The following ESCO1 variants were observed in gnomAD, a reference collection of about 807,000 sequenced individuals.
ESCO1 encodes N-acetyltransferase ESCO1.
ESCO1 carries 33 observed loss-of-function variants against 83.5 expected under a neutral mutation model. That is an observed-to-expected ratio of 0.40 (90% confidence interval 0.30 to 0.53). ESCO1 has a LOEUF of 0.53. ESCO1 is among the 20% of genes least tolerant of loss of function. The pLI, the probability that ESCO1 is intolerant of heterozygous loss-of-function variation, is 0.63. For synonymous variants in ESCO1, 332 were observed against 324.3 expected, an observed-to-expected ratio of 1.02 and a Z score of -0.25; for missense variants, 855 against 968.0, an observed-to-expected ratio of 0.88 and a Z score of 1.55.
At chr18:21,596,963 T>C (rs546104557) in intron 1 of ESCO1, 30 of 152,364 alleles carry the variant, frequency 2.0e-4, no homozygotes, top group African/African-American at 7.2e-4. Flanking sequence ...CTTAAAGCAG[T>C]AGTGCTCAAA....
At chr18:21,582,816 G>C (rs1316386751) in intron 2 of ESCO1, among the ~76,000 whole-genome samples, 2 of 152,210 alleles carry the variant, frequency 1.3e-5, no homozygotes, top group East Asian at 3.8e-4. Context: ...GTTTGTGTCA[G>C]GTACCTTACA....
intron 4 of ESCO1, among the ~76,000 whole-genome samples, chr18:21,570,025 T>C (rs977126508): frequency 6.6e-6 from 1 of 152,194 alleles, no homozygotes; most frequent in Non-Finnish European, 1.5e-5. Context: ...CCACCACATT[T>C]CCTGATCACT....
At chr18:21,568,950 T>G (rs2038300616) in intron 4 of ESCO1, among the ~76,000 whole-genome samples, 1 of 151,970 alleles carries the variant, frequency 6.6e-6, no homozygotes, top group African/African-American at 2.4e-5. Flanking sequence ...AAAATTAATT[T>G]TATCTATTTC....
rs531749215 is a variant in ESCO1 at position 21,547,283 on chromosome 18, A to G, written c.1954-7274T>C. 7.2e-5 allele frequency among the ~76,000 whole-genome samples: 11 copies of G among 152,260 alleles called. No homozygotes were observed. In the East Asian group the frequency reaches 2.1e-3, roughly 29 times the overall value. ...TAAAAACAAGGTCGACAGTTAATAA[A>G]TGTTTAAGAAATAAATAAGCCTACG... On this transcript the variant is annotated intron_variant, in intron 8 of 11. Transcript: ENST00000269214.
intron 10 of ESCO1, among the ~76,000 whole-genome samples, 168 bp downstream of exon 10, chr18:21,535,874 T>C (rs1368091815): frequency 2.0e-5 from 3 of 152,242 alleles, no homozygotes; most frequent in African/African-American, 4.8e-5. Flanking sequence ...CTAATTCCCA[T>C]GCATAACCAT....
In ESCO1 at chr18:21,560,993, A is replaced by G; in HGVS notation, c.1822-3T>C. On this transcript the variant is annotated splice_region_variant and splice_polypyrimidine_tract_variant and intron_variant, in intron 7 of 11. Transcript: ENST00000269214. The stretch of plus-strand genomic sequence containing the variant: ...CCAAATCTTTTTTGTCCTGCATCCT[A>G]TTTACAAAAAACACACAAAAGTTTT... 1.9e-6 allele frequency: 3 copies of G among 1,578,712 alleles called. No individual in the cohort carries two copies. Among genetic ancestry groups the G allele is most frequent in the Middle Eastern group, 1.9e-4 (1 of 5,164 alleles).
chr18:21,586,356 T>A (rs1344888287), intron 1 of ESCO1, among the ~76,000 whole-genome samples: 1 of 152,204 alleles, frequency 6.6e-6, no homozygotes, highest in Non-Finnish European at 1.5e-5. Context: ...CAGACAAGAT[T>A]TCATATTTTT....
chr18:21,535,796 G>A (rs909689224), intron 10 of ESCO1, among the ~76,000 whole-genome samples: 2 of 152,222 alleles, frequency 1.3e-5, no homozygotes, highest in Non-Finnish European at 2.9e-5. Flanking sequence ...GATTATAGGC[G>A]TGAGCCAGTG....
intron 1 of ESCO1, among the ~76,000 whole-genome samples, chr18:21,596,593 G>A (rs11662899): frequency 0.14 from 22,008 of 152,088 alleles, 1,865 homozygotes; most frequent in Middle Eastern, 0.27. Context: ...AGCACTTTGG[G>A]AGGCCGAGGT....
At chr18:21,558,073 CT>C (rs1428020213) in intron 8 of ESCO1, among the ~76,000 whole-genome samples, 3 of 151,582 alleles carry the variant, frequency 2.0e-5, no homozygotes, top group African/African-American at 2.4e-5. Context: ...TCAAGCCAAC[CT>C]CCTGAGCTCA....
intron 4 of ESCO1, among the ~76,000 whole-genome samples, chr18:21,569,483 C>T (rs9953786): frequency 0.021 from 3,201 of 152,222 alleles, 119 homozygotes; most frequent in African/African-American, 0.072. Flanking sequence ...TGGTGGCTCA[C>T]GCCTGTAATC....
chr18:21,566,968 TTC>T (rs913162647), intron 5 of ESCO1, among the ~76,000 whole-genome samples: 1 of 152,194 alleles, frequency 6.6e-6, no homozygotes, highest in Non-Finnish European at 1.5e-5. Context: ...TTATATTACA[TTC>T]TCTCTTCCCC....
chr18:21,580,198 C>A (rs1230905296), intron 2 of ESCO1, among the ~76,000 whole-genome samples: 1 of 151,938 alleles, frequency 6.6e-6, no homozygotes, highest in Admixed American at 6.6e-5. Flanking sequence ...CGCGCCCAGC[C>A]CCCAAAAATT....
intron 1 of ESCO1, among the ~76,000 whole-genome samples, chr18:21,598,463 G>A (rs1184343508): frequency 2.0e-5 from 3 of 152,170 alleles, no homozygotes; most frequent in Admixed American, 6.6e-5. Flanking sequence ...ACTTTGGGAG[G>A]CCGAGGCAGG....
rs1568106978 is a variant in ESCO1, at chr18:21,574,253, T to C, written c.591A>G (p.Val197=). ...KEDENLVINE[V]INSPKGKKRK... ...GTTTTTTCCCTTTGGGAGAATTTAT[T>C]ACTTCATTAATTACTAGATTTTCAT... Residue 197 remains valine (V), a synonymous_variant, in exon 4 of 12, where the codon GTA becomes GTG. Coordinates refer to ENST00000269214, the MANE Select transcript of ESCO1 (RefSeq NM_052911.3). 2.5e-6 allele frequency: 4 copies of C among 1,613,884 alleles called. No homozygotes were observed. Among genetic ancestry groups the C allele is most frequent in the Admixed American group, 1.7e-5 (1 of 59,986 alleles).
intron 1 of ESCO1, among the ~76,000 whole-genome samples, chr18:21,590,185 G>C (rs912569963): frequency 6.7e-6 from 1 of 150,194 alleles, no homozygotes; most frequent in Admixed American, 6.7e-5. Context: ...TTATACTGCT[G>C]ATCACTTCCT....
chr18:21,575,162 T>C lies in ESCO1; in HGVS notation c.-319A>G. The C allele has an allele frequency of 2.7e-6, 1 of 372,524 alleles. No homozygotes were observed. Among genetic ancestry groups the C allele is most frequent in the Non-Finnish European group, 4.7e-6 (1 of 211,378 alleles). The allele number at this position is 372,524 out of a possible 1,614,324, so 23.1% of individuals were successfully genotyped here. On this transcript the variant is annotated 5_prime_UTR_variant, in exon 4 of 12. Coordinates refer to ENST00000269214, the MANE Select transcript of ESCO1 (RefSeq NM_052911.3). Reference sequence around the variant, plus strand: ...AAAGAAATTTAATTCAGGTTCAATCTGTTTTGTTAATTTTTTAATTAATTT... The same window carrying C: ...AAAGAAATTTAATTCAGGTTCAATCCGTTTTGTTAATTTTTTAATTAATTT...
rs556678584 is a variant in ESCO1 at position 21,564,268 on chromosome 18, T to C, written c.1756A>G (p.Ile586Val). ...AGTTTCAAGTCCTTTGGAATTGTTA[T>C]CTCCAAATGGGAATTACACTTAGGC... ...SLPKCNSHLE[I>V]TIPKDLKLKE... Residue 586 changes from isoleucine (I) to valine (V), a missense_variant, in exon 7 of 12, where the codon ATA becomes GTA. By Grantham distance (29) the Ile-to-Val change is conservative. This residue lies in a region of ESCO1 where 726 missense variants were observed against 699.5 expected (regional missense o/e 1.04). Coordinates refer to ENST00000269214, the MANE Select transcript of ESCO1 (RefSeq NM_052911.3). The C allele has an allele frequency of 1.9e-6, 3 of 1,612,474 alleles. No individual in the cohort carries two copies. The highest frequency in any genetic ancestry group is 8.5e-7 in the Non-Finnish European group (1 of 1,179,372).
chr18:21,584,753 G>A (rs1320285441), intron 1 of ESCO1, among the ~76,000 whole-genome samples: 2 of 152,152 alleles, frequency 1.3e-5, no homozygotes, highest in Admixed American at 6.6e-5. Context: ...CAAGGAGATA[G>A]AGGCTGGCAG....
Sources: allele counts gnomAD v4.1 joint callset (sites outside exome capture counted in the v4.1 genomes callset), GRCh38; gene constraint gnomAD v4.1.1; regional missense constraint gnomAD v4.1.1; transcripts MANE v1.5; gene names NCBI Gene and HGNC (gene_info 2026-07-23, HGNC 2026-07-21).